Variants in CRYBG1 observed in about 807,000 individuals in gnomAD.
The protein encoded by CRYBG1 is crystallin beta-gamma domain containing 1.
CRYBG1 carries 139 observed loss-of-function variants against 189.2 expected under a neutral mutation model. The observed-to-expected ratio is 0.73, with a 90% CI of 0.64 to 0.85. The LOEUF is 0.85. Among genes scored for constraint, CRYBG1 ranks in the 40% least tolerant of loss-of-function variants. The pLI, the probability that CRYBG1 is intolerant of heterozygous loss-of-function variation, is 0.00. For synonymous variants in CRYBG1, 1,023 were observed against 1,017.1 expected (o/e 1.01, Z -0.11); for missense variants, 2,611 against 2,675.8 (o/e 0.98, Z 0.53).
chr6:106,529,626 A>AT (rs1251954355), intron 7 of CRYBG1, among the ~76,000 whole-genome samples: 1 of 152,228 alleles, frequency 6.6e-6, no homozygotes, highest in African/African-American at 2.4e-5. Context: ...TATGCGGGGC[A>AT]TGGAACAATG....
At chr6:106,474,974 A>G (rs920269532) in intron 2 of CRYBG1, among the ~76,000 whole-genome samples, 50 of 152,138 alleles carry the variant, frequency 3.3e-4, no homozygotes, top group Admixed American at 3.3e-3. Flanking sequence ...TAGATTTTTT[A>G]AAAACAAAAC....
At chr6:106,484,295 C>T (rs1772548184) in intron 2 of CRYBG1, among the ~76,000 whole-genome samples, 1 of 151,912 alleles carries the variant, frequency 6.6e-6, no homozygotes, top group African/African-American at 2.4e-5. Flanking sequence ...CAGCTTTGTT[C>T]TTTGTTTGTT....
At chr6:106,503,621 A>G (rs1773058459) in intron 2 of CRYBG1, among the ~76,000 whole-genome samples, 1 of 152,244 alleles carries the variant, frequency 6.6e-6, no homozygotes, top group Non-Finnish European at 1.5e-5. Context: ...TTCTGGCACA[A>G]CGTAGACACT....
intron 1 of CRYBG1, among the ~76,000 whole-genome samples, chr6:106,387,581 G>A (rs979353309): frequency 1.2e-4 from 19 of 152,162 alleles, no homozygotes; most frequent in East Asian, 9.6e-4. Context: ...TTAGATACTC[G>A]ACAGGACATT....
In CRYBG1 at chr6:106,512,450, G is replaced by A. The variant is rs768180047; in HGVS notation, c.1333G>A (p.Asp445Asn). The A allele has an allele frequency of 5.0e-6, 8 of 1,610,744 alleles. No individual in the cohort carries two copies. The highest frequency in any genetic ancestry group is 1.7e-5 in the Admixed American group (1 of 59,756). ...AELPESAARD[D>N]AVFDDEVAPN... ...GCTCCCTGAGAGCGCTGCCAGGGACGACGCGGTGTTCGACGACGAGGTGGC... is the reference window on the plus strand; with the variant it reads ...GCTCCCTGAGAGCGCTGCCAGGGACAACGCGGTGTTCGACGACGAGGTGGC... The change falls in exon 3 of 22, where the codon GAC (aspartate) becomes AAC (asparagine). Residue 445 changes from aspartate (D) to asparagine (N), a missense_variant. This residue lies in a region of CRYBG1 where 985 missense variants were observed against 924.4 expected (regional missense o/e 1.07). Transcript: ENST00000633556.
At position 106,521,573 on chromosome 6, in the gene CRYBG1, T is replaced by C. The variant is rs1023879034; in HGVS notation, c.4245+120T>C. ...TAAGCTTATGTGCTATAGTTTTTATTCATTCATCACATATTTGAAAACCTG... is the reference window on the plus strand; with the variant it reads ...TAAGCTTATGTGCTATAGTTTTTATCCATTCATCACATATTTGAAAACCTG... On this transcript the variant is annotated intron_variant, in intron 4 of 21. Coordinates refer to ENST00000633556, the MANE Select transcript of CRYBG1 (RefSeq NM_001371242.2). The C allele has an allele frequency of 4.3e-6, 5 of 1,167,260 alleles. No individual in the cohort carries two copies. The African/African-American group carries it at 7.7e-5, about 18-fold the overall frequency. The allele number at this position is 1,167,260 out of a possible 1,614,324, so 72.3% of individuals were successfully genotyped here.
At chr6:106,398,632 C>T (rs1454363890) in intron 1 of CRYBG1, among the ~76,000 whole-genome samples, 2 of 152,244 alleles carry the variant, frequency 1.3e-5, no homozygotes, top group Non-Finnish European at 1.5e-5. Flanking sequence ...CTGACCTCTA[C>T]GCTGTCTTGA....
chr6:106,541,716 T>G, intron 10 of CRYBG1, 95 bp downstream of exon 10: 1 of 878,190 alleles, frequency 1.1e-6, no homozygotes, highest in Non-Finnish European at 1.8e-6. Context: ...ACTCCATCTC[T>G]ATGAAGATAT....
chr6:106,474,338 G>A (rs1356596330), intron 2 of CRYBG1, among the ~76,000 whole-genome samples: 1 of 151,976 alleles, frequency 6.6e-6, no homozygotes, highest in African/African-American at 2.4e-5. Flanking sequence ...AGAAAGACCT[G>A]GTCTCTAAAA....
At chr6:106,543,861 G>A (rs1237876279) in intron 11 of CRYBG1, among the ~76,000 whole-genome samples, 1 of 152,222 alleles carries the variant, frequency 6.6e-6, no homozygotes, top group Admixed American at 6.5e-5. Flanking sequence ...AGACCAGCCT[G>A]ACCAACATGG....
chr6:106,393,233 C>A (rs914962295), intron 1 of CRYBG1, among the ~76,000 whole-genome samples: 1 of 152,142 alleles, frequency 6.6e-6, no homozygotes, highest in African/African-American at 2.4e-5. Flanking sequence ...AGCTGTGGTA[C>A]CTTTCTCTAA....
At chr6:106,384,808 GACA>G (rs1267026199) in intron 1 of CRYBG1, among the ~76,000 whole-genome samples, 1 of 151,960 alleles carries the variant, frequency 6.6e-6, no homozygotes, top group Non-Finnish European at 1.5e-5. Context: ...TTCTAACTCA[GACA>G]ACATCAATTC....
intron 1 of CRYBG1, among the ~76,000 whole-genome samples, chr6:106,379,207 G>A (rs1164079335): frequency 6.6e-6 from 1 of 151,958 alleles, no homozygotes; most frequent in Non-Finnish European, 1.5e-5. Context: ...GAGAGTAAAT[G>A]AAAACACTTA....
At chr6:106,485,200 G>A (rs1273529681) in intron 2 of CRYBG1, among the ~76,000 whole-genome samples, 3 of 152,122 alleles carry the variant, frequency 2.0e-5, no homozygotes, top group African/African-American at 4.8e-5. Context: ...TTTCAGTGGA[G>A]AGATTTTACT....
chr6:106,494,773 G>T (rs905187440), intron 2 of CRYBG1, among the ~76,000 whole-genome samples: 2 of 152,094 alleles, frequency 1.3e-5, no homozygotes, highest in African/African-American at 4.8e-5. Flanking sequence ...TTATTATGTT[G>T]CATGCTTGGA....
chr6:106,519,300 A>G lies in CRYBG1; in HGVS notation c.2092A>G (p.Ile698Val), dbSNP rs1017070359. Residue 698 changes from isoleucine (I) to valine (V), a missense_variant, in exon 4 of 22, where the codon ATT becomes GTT. Ile to Val is a conservative substitution (Grantham distance 29, BLOSUM62 3). This residue lies in a region of CRYBG1 where 1,622 missense variants were observed against 1,735.0 expected (regional missense o/e 0.93). Transcript: ENST00000633556. ...RTNSSPRHTD[I>V]RGQRNTPASS... Reference sequence around the variant, plus strand: ...AAACAGTAGCCCAAGACACACTGACATTCGAGGCCAAAGGAATACTCCTGC... The same window carrying G: ...AAACAGTAGCCCAAGACACACTGACGTTCGAGGCCAAAGGAATACTCCTGC... 3 of 1,614,066 alleles carry G rather than the reference A, an allele frequency of 1.9e-6. No individual in the cohort carries two copies. The highest frequency in any genetic ancestry group is 2.7e-5 in the African/African-American group (2 of 74,924).
chr6:106,364,323 A>G (rs1034203000), intron 1 of CRYBG1, among the ~76,000 whole-genome samples: 1 of 114,024 alleles, frequency 8.8e-6, no homozygotes, highest in Non-Finnish European at 1.9e-5. Context: ...GTGAAACTCC[A>G]TCTCAAAAAA....
At chr6:106,416,903 G>A (rs1447000171) in intron 1 of CRYBG1, among the ~76,000 whole-genome samples, 2 of 151,858 alleles carry the variant, frequency 1.3e-5, no homozygotes, top group South Asian at 2.1e-4. Context: ...TGACATTATG[G>A]GGATTTTATT....
intron 2 of CRYBG1, among the ~76,000 whole-genome samples, chr6:106,486,870 A>G (rs550273011): frequency 2.2e-4 from 34 of 152,144 alleles, no homozygotes; most frequent in South Asian, 1.7e-3. Flanking sequence ...CAGTCACTCT[A>G]TATCTTTTAA....
Sources: gnomAD v4.1 joint callset for allele counts (sites outside exome capture counted in the v4.1 genomes callset) on GRCh38, gnomAD v4.1.1 for gene constraint, gnomAD v4.1.1 regional missense constraint, MANE v1.5 for transcripts, NCBI Gene and HGNC (gene_info 2026-07-23, HGNC 2026-07-21) for gene names.